Variants in NKAIN3 observed in about 807,000 individuals in gnomAD.
NKAIN3 encodes the protein sodium/potassium transporting ATPase interacting 3, also known as sodium/potassium-transporting ATPase subunit beta-1-interacting protein 3.
In NKAIN3, 25 loss-of-function variants were observed where a neutral mutation model predicts 30.2. The observed-to-expected ratio is 0.83, with a 90% CI of 0.60 to 1.16. NKAIN3 has a LOEUF of 1.16. Ranked by LOEUF, NKAIN3 falls within the 50% of genes most tolerant of loss-of-function variation. The pLI is 0.00. For missense variants in NKAIN3, 225 were observed against 254.1 expected (o/e 0.89, Z 0.78); for synonymous variants, 91 against 89.6 (o/e 1.02, Z -0.09).
chr8:62,720,328 G>A lies in NKAIN3; in HGVS notation c.274-26604G>A, dbSNP rs184084957. The stretch of plus-strand genomic sequence containing the variant: ...TACAGAAACATATTCATTTCTAAAT[G>A]TTAATAAATAAATATGCATTGTGTG... On this transcript the variant is annotated intron_variant, in intron 3 of 6. Transcript: ENST00000623646. Among the ~76,000 whole-genome samples the A allele has an allele frequency of 3.3e-3, 500 of 152,142 alleles. 5 individuals carry two copies. Among genetic ancestry groups the A allele is most frequent in the African/African-American group, 0.011 (461 of 41,504 alleles).
chr8:62,896,682 G>T (rs1821438163), intron 4 of NKAIN3, among the ~76,000 whole-genome samples: 1 of 152,154 alleles, frequency 6.6e-6, no homozygotes, highest in Non-Finnish European at 1.5e-5. Flanking sequence ...AGGTGCTGGG[G>T]CCAGGCTGAA....
Position 62,728,654 on chromosome 8 carries a change from A to C in NKAIN3, c.274-18278A>C, listed in dbSNP as rs1031511977. Among the ~76,000 whole-genome samples, 4 of 149,104 alleles carry C rather than the reference A, an allele frequency of 2.7e-5. No homozygotes were observed. The East Asian group carries it at 8.2e-4, about 30-fold the overall frequency. On this transcript the variant is annotated intron_variant, in intron 3 of 6. Coordinates refer to ENST00000623646, the MANE Select transcript of NKAIN3 (RefSeq NM_001304533.3). ...CACTCCAGCCTGGGCGACAAGAACG[A>C]AACTTCGTCTCAAAAAACAAAAAAA...
intron 1 of NKAIN3, among the ~76,000 whole-genome samples, chr8:62,457,799 C>T (rs552435459): frequency 1.3e-5 from 2 of 152,144 alleles, no homozygotes; most frequent in South Asian, 4.1e-4. Flanking sequence ...TTGGATTTGC[C>T]ATATATTATA....
intron 1 of NKAIN3, among the ~76,000 whole-genome samples, chr8:62,320,452 T>A (rs111438702): frequency 6.6e-6 from 1 of 152,104 alleles, no homozygotes; most frequent in East Asian, 1.9e-4. Flanking sequence ...ATTTGGCATG[T>A]TTTTGCAGTG....
chr8:62,727,690 T>C (rs909587079), intron 3 of NKAIN3, among the ~76,000 whole-genome samples: 6 of 152,186 alleles, frequency 3.9e-5, no homozygotes, highest in South Asian at 4.1e-4. Context: ...ATGAAAGAAA[T>C]CCAAGAAATA....
At chr8:62,446,031 G>T (rs971516896) in intron 1 of NKAIN3, among the ~76,000 whole-genome samples, 2 of 152,150 alleles carry the variant, frequency 1.3e-5, no homozygotes, top group African/African-American at 4.8e-5. Context: ...CATAGCAATT[G>T]TAACTTGTTA....
At chr8:62,310,993 C>T (rs1169830000) in intron 1 of NKAIN3, among the ~76,000 whole-genome samples, 1 of 150,468 alleles carries the variant, frequency 6.6e-6, no homozygotes, top group Admixed American at 6.6e-5. Context: ...TAGTGCCATA[C>T]AATTTCTAGA....
At chr8:62,960,640 A>C (rs10093652) in intron 6 of NKAIN3, among the ~76,000 whole-genome samples, 49,572 of 151,608 alleles carry the variant, frequency 0.33, 8,642 homozygotes, top group African/African-American at 0.45. Context: ...TTTTGCACTT[A>C]ATATTGACAT....
chr8:62,370,714 A>G (rs1816882029), intron 1 of NKAIN3, among the ~76,000 whole-genome samples: 1 of 152,112 alleles, frequency 6.6e-6, no homozygotes, highest in African/African-American at 2.4e-5. Context: ...AAATTGTAAA[A>G]CATTATTATT....
chr8:62,284,678 A>C (rs537806504), intron 1 of NKAIN3, among the ~76,000 whole-genome samples: 1 of 152,252 alleles, frequency 6.6e-6, no homozygotes, highest in East Asian at 1.9e-4. Flanking sequence ...TGTGGTGCTT[A>C]GTTTCAGGAA....
At chr8:62,333,201 A>G (rs2129590164) in intron 1 of NKAIN3, among the ~76,000 whole-genome samples, 1 of 152,240 alleles carries the variant, frequency 6.6e-6, no homozygotes, top group Middle Eastern at 3.4e-3. Flanking sequence ...CTGTCTCTAA[A>G]GGATATTTTC....
chr8:62,318,542 T>G (rs1325918964), intron 1 of NKAIN3, among the ~76,000 whole-genome samples: 1 of 150,436 alleles, frequency 6.6e-6, no homozygotes, highest in African/African-American at 2.5e-5. Context: ...TTTCTTCATC[T>G]ATTGAGATAA....
At chr8:62,256,180 A>AG (rs1812254492) in intron 1 of NKAIN3, among the ~76,000 whole-genome samples, 1 of 151,916 alleles carries the variant, frequency 6.6e-6, no homozygotes, top group South Asian at 2.1e-4. Context: ...TGGGAGACTG[A>AG]GGGGGGAGGA....
At chr8:62,634,444 CA>C (rs1442664371) in intron 3 of NKAIN3, among the ~76,000 whole-genome samples, 1 of 152,186 alleles carries the variant, frequency 6.6e-6, no homozygotes, top group Non-Finnish European at 1.5e-5. Context: ...CCCTTCTCCA[CA>C]GCTGCAACAA....
At chr8:62,667,347 TTA>T (rs201033796) in intron 3 of NKAIN3, among the ~76,000 whole-genome samples, 1 of 80,656 alleles carries the variant, frequency 1.2e-5, no homozygotes, top group Non-Finnish European at 2.4e-5. Flanking sequence ...TATATATTCT[TTA>T]TATATATATC....
At chr8:62,839,922 C>T (rs1311772211) in intron 4 of NKAIN3, among the ~76,000 whole-genome samples, 8 of 152,126 alleles carry the variant, frequency 5.3e-5, no homozygotes, top group African/African-American at 1.7e-4. Context: ...CTGCCTAAGA[C>T]ATTTATAAAA....
intron 6 of NKAIN3, among the ~76,000 whole-genome samples, chr8:62,959,095 T>C (rs1823497501): frequency 1.3e-5 from 2 of 152,176 alleles, no homozygotes. Flanking sequence ...TAATTTTTCT[T>C]CACAAAAATT....
intron 4 of NKAIN3, among the ~76,000 whole-genome samples, chr8:62,890,109 G>C (rs1434182434): frequency 6.6e-6 from 1 of 152,130 alleles, no homozygotes; most frequent in African/African-American, 2.4e-5. Flanking sequence ...TTCAGCTGTT[G>C]GAATCCACAA....
At chr8:62,964,575 T>TGC (rs1563648032) in intron 6 of NKAIN3, among the ~76,000 whole-genome samples, 1 of 144,714 alleles carries the variant, frequency 6.9e-6, no homozygotes, top group Non-Finnish European at 1.5e-5. Flanking sequence ...TGTGTGTGTG[T>TGC]GTGCTTCCCC....
Sources: gnomAD v4.1 joint callset for allele counts (sites outside exome capture counted in the v4.1 genomes callset) on GRCh38, gnomAD v4.1.1 for gene constraint, MANE v1.5 for transcripts, NCBI Gene and HGNC (gene_info 2026-07-23, HGNC 2026-07-21) for gene names.